The following CPVL variants were observed in gnomAD, a reference collection of about 807,000 sequenced individuals.
CPVL encodes the protein probable serine carboxypeptidase CPVL.
In CPVL, 51 loss-of-function variants were observed where a neutral mutation model predicts 63.7. The observed-to-expected ratio is 0.80, with a 90% CI of 0.64 to 1.01. The LOEUF (loss-of-function observed/expected upper bound fraction) is 1.01. CPVL is among the 50% of genes least tolerant of loss of function. The pLI is 0.00. For missense variants in CPVL, 530 were observed against 573.1 expected, an observed-to-expected ratio of 0.92 and a Z score of 0.77; for synonymous variants, 195 against 206.0, an observed-to-expected ratio of 0.95 and a Z score of 0.46.
intron 1 of CPVL, among the ~76,000 whole-genome samples, chr7:29,143,187 A>G (rs1463164149): frequency 6.6e-6 from 1 of 152,242 alleles, no homozygotes; most frequent in African/African-American, 2.4e-5. Flanking sequence ...AACTTTTCAA[A>G]CCAAAGTTAC....
chr7:29,173,130 C>CAAA (rs56379349), intron 5 of CPVL, among the ~76,000 whole-genome samples: 15 of 80,184 alleles, frequency 1.9e-4, no homozygotes, highest in African/African-American at 6.0e-4. Flanking sequence ...GACTCTGTAT[C>CAAA]AAAAAAAAAA....
chr7:29,101,405 C>T (rs1180361677), intron 3 of CPVL, among the ~76,000 whole-genome samples: 1 of 152,064 alleles, frequency 6.6e-6, no homozygotes, highest in African/African-American at 2.4e-5. Flanking sequence ...TCGAAACCAT[C>T]CTTGCTAACA....
chr7:29,099,960 C>CA (rs1786923223), intron 3 of CPVL, among the ~76,000 whole-genome samples: 1 of 151,826 alleles, frequency 6.6e-6, no homozygotes, highest in South Asian at 2.1e-4. Context: ...CTGTAAACTC[C>CA]AATGTGCTGA....
intron 1 of CPVL, chr7:29,194,607 G>A: frequency 3.8e-6 from 1 of 260,004 alleles, no homozygotes; most frequent in South Asian, 1.5e-4. Context: ...GCGCACAGGG[G>A]AGCGTGGACG....
chr7:29,147,990 C>G (rs1418299925), upstream of CPVL, among the ~76,000 whole-genome samples: 1 of 152,192 alleles, frequency 6.6e-6, no homozygotes, highest in African/African-American at 2.4e-5. Flanking sequence ...TCTCTTCCCA[C>G]AGGGCTCTAG....
chr7:29,129,504 T>C (rs563162411), intron 1 of CPVL, among the ~76,000 whole-genome samples: 1 of 149,874 alleles, frequency 6.7e-6, no homozygotes, highest in Non-Finnish European at 1.5e-5. Flanking sequence ...CGAGTCTCGC[T>C]CGGTCGCCAG....
chr7:29,065,499 A>G (rs546783), intron 10 of CPVL, among the ~76,000 whole-genome samples: 74,240 of 152,104 alleles, frequency 0.49, 19,811 homozygotes, highest in Middle Eastern at 0.6. Flanking sequence ...GCCTACTTTT[A>G]TGAAACAAAC....
chr7:29,093,984 C>G (rs1463890533), intron 5 of CPVL, among the ~76,000 whole-genome samples: 2 of 152,188 alleles, frequency 1.3e-5, no homozygotes, highest in Admixed American at 6.5e-5. Flanking sequence ...GAACCAATAT[C>G]AGAAGACCTC....
intron 5 of CPVL, among the ~76,000 whole-genome samples, chr7:29,176,194 A>G (rs1797314549): frequency 6.6e-6 from 1 of 151,978 alleles, no homozygotes. Context: ...TCAAGAAAAA[A>G]AAAACAGATA....
chr7:29,043,780 A>G (rs1477722376), intron 11 of CPVL, among the ~76,000 whole-genome samples: 2 of 152,152 alleles, frequency 1.3e-5, no homozygotes, highest in Non-Finnish European at 2.9e-5. Context: ...AGACCAGGCA[A>G]ATCCAACGAA....
chr7:29,041,115 T>A (rs1164299300), intron 11 of CPVL, among the ~76,000 whole-genome samples: 1 of 148,008 alleles, frequency 6.8e-6, no homozygotes, highest in Non-Finnish European at 1.5e-5. Flanking sequence ...CTGACCATGA[T>A]CAATAACTGG....
At chr7:29,019,283 G>A (rs1026862619) in intron 12 of CPVL, among the ~76,000 whole-genome samples, 3 of 152,092 alleles carry the variant, frequency 2.0e-5, no homozygotes, top group Non-Finnish European at 4.4e-5. Flanking sequence ...TCTGCTGCTC[G>A]GATTATATAA....
intron 11 of CPVL, among the ~76,000 whole-genome samples, chr7:29,034,507 G>A (rs955164343): frequency 6.6e-6 from 1 of 151,988 alleles, no homozygotes; most frequent in Non-Finnish European, 1.5e-5. Flanking sequence ...GTGCCATGGT[G>A]GTTTGCTGTA....
intron 3 of CPVL, among the ~76,000 whole-genome samples, chr7:29,100,070 T>C (rs781401582): frequency 1.3e-5 from 2 of 152,200 alleles, no homozygotes; most frequent in Non-Finnish European, 2.9e-5. Context: ...AGTACTGCCT[T>C]CCACTTGTAT....
At chr7:29,113,988 T>C (rs1584300560) in intron 2 of CPVL, among the ~76,000 whole-genome samples, 1 of 152,242 alleles carries the variant, frequency 6.6e-6, no homozygotes, top group African/African-American at 2.4e-5. Flanking sequence ...GGCTAGTAGG[T>C]CAGGAAGCTT....
chr7:29,100,537 T>C (rs992444743), intron 3 of CPVL, among the ~76,000 whole-genome samples: 2 of 152,188 alleles, frequency 1.3e-5, no homozygotes, highest in African/African-American at 4.8e-5. Flanking sequence ...TGGCCTTCCA[T>C]GTCCCTTCCT....
chr7:29,140,520 A>G (rs919996416), intron 1 of CPVL, among the ~76,000 whole-genome samples: 1 of 152,234 alleles, frequency 6.6e-6, no homozygotes, highest in African/African-American at 2.4e-5. Flanking sequence ...ATAAAGCATG[A>G]GGAATGCAGT....
At chr7:28,999,230 A>G (rs527544839) in intron 12 of CPVL, among the ~76,000 whole-genome samples, 87 of 152,294 alleles carry the variant, frequency 5.7e-4, no homozygotes, top group Non-Finnish European at 1.0e-3. Context: ...ACGAAAAAAC[A>G]AAACAATGAC....
At chr7:29,074,683 C>A (rs956834583) in intron 7 of CPVL, among the ~76,000 whole-genome samples, 2 of 151,378 alleles carry the variant, frequency 1.3e-5, no homozygotes, top group African/African-American at 4.9e-5. Flanking sequence ...GGAGTTCTCA[C>A]GAGAGCTGAT....
Sources: allele counts gnomAD v4.1 joint callset (sites outside exome capture counted in the v4.1 genomes callset), GRCh38; gene constraint gnomAD v4.1.1; transcripts MANE v1.5; gene names NCBI Gene and HGNC (gene_info 2026-07-23, HGNC 2026-07-21).